The following SCD5 variants were observed in gnomAD, a reference collection of about 807,000 sequenced individuals.
The protein encoded by SCD5 is acyl-CoA-desaturase 4.
Under a neutral mutation model 30.4 loss-of-function variants are expected in SCD5, and 20 were observed. The observed-to-expected ratio is 0.66, with a 90% CI of 0.46 to 0.96. SCD5 has a LOEUF of 0.96. SCD5 is among the 40% of genes least tolerant of loss of function. The pLI is 0.00. For synonymous variants in SCD5, 173 were observed against 176.4 expected (o/e 0.98, Z 0.16); for missense variants, 381 against 443.3 (o/e 0.86, Z 1.26).
intron 1 of SCD5, among the ~76,000 whole-genome samples, chr4:82,760,153 G>A (rs938206638): frequency 5.9e-5 from 9 of 152,024 alleles, no homozygotes; most frequent in East Asian, 1.9e-4. Context: ...GAAACCCCAC[G>A]CCTCCTTTGC....
At chr4:82,712,637 C>T (rs1720137076) in intron 1 of SCD5, among the ~76,000 whole-genome samples, 1 of 151,970 alleles carries the variant, frequency 6.6e-6, no homozygotes. Flanking sequence ...TTCTAAAGAG[C>T]TTGTGGCAGG....
At chr4:82,750,474 T>C (rs763855471) in intron 1 of SCD5, among the ~76,000 whole-genome samples, 20 of 152,130 alleles carry the variant, frequency 1.3e-4, no homozygotes, top group Non-Finnish European at 2.6e-4. Context: ...GCACACTTTG[T>C]AAAGATTAAG....
intron 3 of SCD5, among the ~76,000 whole-genome samples, chr4:82,671,051 T>C (rs1183274599): frequency 2.6e-5 from 4 of 152,166 alleles, no homozygotes; most frequent in African/African-American, 9.7e-5. Context: ...TGGAGAAAGA[T>C]ATACCATTCT....
intron 2 of SCD5, among the ~76,000 whole-genome samples, chr4:82,703,437 T>C: frequency 6.6e-6 from 1 of 152,222 alleles, no homozygotes; most frequent in Non-Finnish European, 1.5e-5. Flanking sequence ...TTATTTTATC[T>C]TCCTAGCAAC....
At chr4:82,684,438 G>A (rs1266141064) in intron 2 of SCD5, among the ~76,000 whole-genome samples, 1 of 152,054 alleles carries the variant, frequency 6.6e-6, no homozygotes, top group Admixed American at 6.6e-5. Flanking sequence ...GAGCAGAAAG[G>A]GAGCAAGATT....
At chr4:82,740,291 C>G (rs1278642536) in intron 1 of SCD5, among the ~76,000 whole-genome samples, 1 of 152,178 alleles carries the variant, frequency 6.6e-6, no homozygotes, top group Non-Finnish European at 1.5e-5. Flanking sequence ...GGTTGTTTTG[C>G]CAGCACCCAG....
chr4:82,711,440 G>A (rs567925133), intron 1 of SCD5, among the ~76,000 whole-genome samples: 5 of 152,312 alleles, frequency 3.3e-5, no homozygotes, highest in Middle Eastern at 3.4e-3. Context: ...CCAGGATGGC[G>A]CGGTGGCTCA....
At chr4:82,638,343 C>T (rs1429125721) in intron 3 of SCD5, among the ~76,000 whole-genome samples, 4 of 152,158 alleles carry the variant, frequency 2.6e-5, no homozygotes, top group Middle Eastern at 3.4e-3. Context: ...TACTCTGGGA[C>T]GTGAGCTCCA....
chr4:82,795,660 A>C (rs1012938621), intron 1 of SCD5, among the ~76,000 whole-genome samples: 2 of 151,896 alleles, frequency 1.3e-5, no homozygotes, highest in Non-Finnish European at 2.9e-5. Flanking sequence ...TCTACAAAAA[A>C]ATGAAAAAGA....
At chr4:82,660,452 G>T in intron 3 of SCD5, 1 of 723,462 alleles carries the variant, frequency 1.4e-6, no homozygotes, top group Non-Finnish European at 1.5e-6. Context: ...AATAATCAAC[G>T]TGTACAGGTT....
chr4:82,720,914 C>T (rs576960010), intron 1 of SCD5, among the ~76,000 whole-genome samples: 23 of 152,276 alleles, frequency 1.5e-4, no homozygotes, highest in Admixed American at 8.5e-4. Context: ...CACTTCAGGA[C>T]GCCGAGGTGA....
At chr4:82,681,259 T>TC (rs1728567289) in intron 2 of SCD5, among the ~76,000 whole-genome samples, 1 of 152,062 alleles carries the variant, frequency 6.6e-6, no homozygotes, top group South Asian at 2.1e-4. Flanking sequence ...AAAAAAGAGA[T>TC]CTTTTTTGTG....
At chr4:82,702,408 G>A (rs1351508716) in intron 2 of SCD5, among the ~76,000 whole-genome samples, 1 of 151,876 alleles carries the variant, frequency 6.6e-6, no homozygotes, top group Non-Finnish European at 1.5e-5. Context: ...GCCTCCCAAA[G>A]TGCTGGGATT....
At chr4:82,635,702 C>CCCTCTAAT (rs1337612275) in intron 4 of SCD5, among the ~76,000 whole-genome samples, 14 of 151,066 alleles carry the variant, frequency 9.3e-5, no homozygotes, top group African/African-American at 3.4e-4. Flanking sequence ...ACTCATTTAG[C>CCCTCTAAT]CCTCTAATGA....
chr4:82,766,826 C>T (rs71597922), intron 1 of SCD5, among the ~76,000 whole-genome samples: 14,618 of 152,110 alleles, frequency 0.096, 723 homozygotes, highest in South Asian at 0.11. Context: ...TACAAGCATG[C>T]GCCAGCACAC....
At chr4:82,738,026 C>T (rs191748298) in intron 1 of SCD5, among the ~76,000 whole-genome samples, 49 of 148,154 alleles carry the variant, frequency 3.3e-4, no homozygotes, top group Non-Finnish European at 5.9e-4. Flanking sequence ...TGTAAAACAA[C>T]AACAAAAAAT....
intron 1 of SCD5, among the ~76,000 whole-genome samples, chr4:82,731,857 G>A (rs556438091): frequency 6.0e-4 from 91 of 152,284 alleles, no homozygotes; most frequent in Middle Eastern, 3.4e-3. Flanking sequence ...AAAGTGACTG[G>A]AACTCCTACT....
intron 3 of SCD5, among the ~76,000 whole-genome samples, chr4:82,661,480 TATG>T (rs1267424923): frequency 6.6e-6 from 1 of 152,260 alleles, no homozygotes; most frequent in Non-Finnish European, 1.5e-5. Flanking sequence ...CACAAATATG[TATG>T]AATCATGCTC....
At chr4:82,673,866 T>C (rs1464733861) in intron 3 of SCD5, among the ~76,000 whole-genome samples, 1 of 152,184 alleles carries the variant, frequency 6.6e-6, no homozygotes, top group East Asian at 1.9e-4. Context: ...TATAGTCAAC[T>C]GATCTTTGAC....
Sources: gnomAD v4.1 joint callset for allele counts (sites outside exome capture counted in the v4.1 genomes callset) on GRCh38, gnomAD v4.1.1 for gene constraint, MANE v1.5 for transcripts, NCBI Gene and HGNC (gene_info 2026-07-23, HGNC 2026-07-21) for gene names.